Variants in PTPRD observed in about 807,000 individuals in gnomAD.
PTPRD encodes the protein receptor-type tyrosine-protein phosphatase delta.
Under a neutral mutation model 214.5 loss-of-function variants are expected in PTPRD, and 34 were observed. The ratio of observed to expected loss-of-function variants is 0.16; its 90% confidence interval spans 0.12 to 0.21. The LOEUF (loss-of-function observed/expected upper bound fraction) is 0.21, where lower values mean the gene tolerates loss of function less well. PTPRD is among the 10% of genes least tolerant of loss of function. The pLI, the probability that PTPRD is intolerant of heterozygous loss-of-function variation, is 1.00. For synonymous variants in PTPRD, 1,128 were observed against 845.7 expected (o/e 1.33, Z -5.79); for missense variants, 2,545 against 2,398.7 (o/e 1.06, Z -1.27).
intron 3 of PTPRD, among the ~76,000 whole-genome samples, chr9:10,330,266 T>C (rs1037605318): frequency 4.0e-5 from 6 of 151,746 alleles, no homozygotes; most frequent in Admixed American, 4.0e-4. Flanking sequence ...CTGGATTGAG[T>C]GTACAGAGGA....
At chr9:10,025,906 G>C (rs1204552416) in intron 4 of PTPRD, among the ~76,000 whole-genome samples, 2 of 152,184 alleles carry the variant, frequency 1.3e-5, no homozygotes, top group African/African-American at 4.8e-5. Flanking sequence ...TAAAGGGTAA[G>C]AAAAGATCCT....
At chr9:10,453,132 T>G (rs530860808) in intron 2 of PTPRD, among the ~76,000 whole-genome samples, 1 of 151,838 alleles carries the variant, frequency 6.6e-6, no homozygotes, top group African/African-American at 2.4e-5. Flanking sequence ...TGCCCATATA[T>G]AGATGATTTT....
chr9:9,164,870 CAAAACAAAACA>C (rs2099898933), intron 10 of PTPRD, among the ~76,000 whole-genome samples: 1 of 149,350 alleles, frequency 6.7e-6, no homozygotes, highest in African/African-American at 2.5e-5. Context: ...CAAAACAAAA[CAAAACAAAACA>C]AAACAAACAA....
intron 10 of PTPRD, among the ~76,000 whole-genome samples, chr9:9,020,686 T>C (rs2099564624): frequency 6.6e-6 from 1 of 152,146 alleles, no homozygotes; most frequent in African/African-American, 2.4e-5. Context: ...GACAATCAAA[T>C]GGAAATGTTA....
chr9:9,133,816 G>C (rs563078452), intron 10 of PTPRD, among the ~76,000 whole-genome samples: 2 of 152,242 alleles, frequency 1.3e-5, no homozygotes, highest in African/African-American at 4.8e-5. Flanking sequence ...TGCACATGTA[G>C]AATGAGAAAG....
intron 39 of PTPRD, among the ~76,000 whole-genome samples, chr9:8,350,865 T>A (rs576610026): frequency 1.2e-3 from 185 of 152,288 alleles, no homozygotes; most frequent in African/African-American, 4.3e-3. Context: ...ATCCCTATAC[T>A]AATTAATATA....
At chr9:10,585,389 T>C (rs924907739) in intron 2 of PTPRD, among the ~76,000 whole-genome samples, 1 of 152,008 alleles carries the variant, frequency 6.6e-6, no homozygotes, top group African/African-American at 2.4e-5. Context: ...AGACATCTCA[T>C]TAGGAGATAG....
chr9:10,492,632 G>A (rs879259438), intron 2 of PTPRD, among the ~76,000 whole-genome samples: 1 of 152,112 alleles, frequency 6.6e-6, no homozygotes, highest in Non-Finnish European at 1.5e-5. Flanking sequence ...CAGACGGATA[G>A]ATGGCAAAAA....
intron 10 of PTPRD, among the ~76,000 whole-genome samples, chr9:9,052,469 G>C (rs2099687990): frequency 6.6e-6 from 1 of 152,176 alleles, no homozygotes; most frequent in African/African-American, 2.4e-5. Flanking sequence ...TTTAACATTA[G>C]TTCCTTGAGG....
At chr9:8,465,900 A>AGCC (rs1411559187) in intron 31 of PTPRD, among the ~76,000 whole-genome samples, 2 of 151,900 alleles carry the variant, frequency 1.3e-5, no homozygotes, top group African/African-American at 2.4e-5. Flanking sequence ...GACAAGGTCT[A>AGCC]GGCTATAAAC....
chr9:9,903,302 T>C (rs2076825193), intron 5 of PTPRD, among the ~76,000 whole-genome samples: 1 of 152,160 alleles, frequency 6.6e-6, no homozygotes, highest in Admixed American at 6.6e-5. Context: ...CGAGTAGTAT[T>C]TTAAGCTATT....
Position 10,358,586 on chromosome 9 carries a change from G to C in PTPRD, c.-599-17569C>G, listed in dbSNP as rs145474494. On this transcript the variant is annotated intron_variant, in intron 2 of 45. Transcript: ENST00000381196. ...GTCTCTTAGCATCACATTCAAAATA[G>C]CAAACTGTCTGAAAAATTTAGAGTT... Among the ~76,000 whole-genome samples the C allele has an allele frequency of 4.9e-4, 74 of 151,962 alleles. No individual in the cohort carries two copies. In the East Asian group the frequency reaches 0.014, roughly 29 times the overall value.
chr9:9,494,120 G>A (rs2096059695), intron 8 of PTPRD, among the ~76,000 whole-genome samples: 1 of 152,146 alleles, frequency 6.6e-6, no homozygotes, highest in African/African-American at 2.4e-5. Flanking sequence ...TAACTGAACT[G>A]CTACAACCTC....
At chr9:8,318,573 A>G (rs1823940572) in intron 45 of PTPRD, among the ~76,000 whole-genome samples, 1 of 152,098 alleles carries the variant, frequency 6.6e-6, no homozygotes, top group African/African-American at 2.4e-5. Flanking sequence ...GCGGCACACC[A>G]GGCACACAAA....
chr9:9,059,559 C>G (rs79494131), intron 10 of PTPRD, among the ~76,000 whole-genome samples: 1,589 of 152,242 alleles, frequency 0.01, 32 homozygotes, highest in African/African-American at 0.036. Flanking sequence ...TGTATCAAAA[C>G]TCATCCAGTG....
intron 3 of PTPRD, among the ~76,000 whole-genome samples, chr9:10,231,612 C>T (rs1208610486): frequency 6.6e-6 from 1 of 151,940 alleles, no homozygotes; most frequent in African/African-American, 2.4e-5. Flanking sequence ...TACTTCCTCT[C>T]TGTACCCTTA....
At chr9:8,456,865 C>T (rs551318090) in intron 33 of PTPRD, among the ~76,000 whole-genome samples, 1 of 152,260 alleles carries the variant, frequency 6.6e-6, no homozygotes, top group South Asian at 2.1e-4. Context: ...TCTTTGATTC[C>T]ATAGTATGTA....
At chr9:9,042,605 C>CTTTTTTTTTT (rs201347176) in intron 10 of PTPRD, among the ~76,000 whole-genome samples, 1 of 81,258 alleles carries the variant, frequency 1.2e-5, no homozygotes, top group African/African-American at 3.9e-5. Context: ...AGCATTTTTT[C>CTTTTTTTTTT]TTTTTTTTCT....
At chr9:9,812,988 A>T (rs1044377864) in intron 5 of PTPRD, among the ~76,000 whole-genome samples, 19 of 148,360 alleles carry the variant, frequency 1.3e-4, no homozygotes, top group Non-Finnish European at 2.5e-4. Context: ...AAGAAACTAG[A>T]AGTCTATAAG....
Sources: allele counts gnomAD v4.1 joint callset (sites outside exome capture counted in the v4.1 genomes callset), GRCh38; gene constraint gnomAD v4.1.1; transcripts MANE v1.5; gene names NCBI Gene and HGNC (gene_info 2026-07-23, HGNC 2026-07-21).